The following PFKFB3 variants were observed in gnomAD, a reference collection of about 807,000 sequenced individuals.
The protein encoded by PFKFB3 is 6-phosphofructo-2-kinase/fructose-2,6-biphosphatase 3.
PFKFB3 carries 33 observed loss-of-function variants against 68.0 expected under a neutral mutation model. The ratio of observed to expected loss-of-function variants is 0.49; its 90% CI spans 0.37 to 0.65. PFKFB3 has a LOEUF of 0.65. PFKFB3 is among the 30% of genes least tolerant of loss of function. The pLI, the probability that PFKFB3 is intolerant of heterozygous loss-of-function variation, is 0.00. For synonymous variants in PFKFB3, 315 were observed against 288.2 expected (o/e 1.09, Z -0.94); for missense variants, 586 against 712.2 (o/e 0.82, Z 2.02).
intron 1 of PFKFB3, among the ~76,000 whole-genome samples, chr10:6,183,637 A>G (rs1175434807): frequency 6.7e-6 from 1 of 148,374 alleles, no homozygotes; most frequent in Non-Finnish European, 1.5e-5. Context: ...ATATATGTAT[A>G]TAAATAATAT....
At chr10:6,155,026 G>A (rs1841725312) in intron 1 of PFKFB3, among the ~76,000 whole-genome samples, 1 of 152,082 alleles carries the variant, frequency 6.6e-6, no homozygotes, top group Non-Finnish European at 1.5e-5. Flanking sequence ...TTCCAGAAAA[G>A]TCCACTGTGC....
chr10:6,184,296 G>C (rs1842811395), intron 1 of PFKFB3, among the ~76,000 whole-genome samples: 1 of 151,460 alleles, frequency 6.6e-6, no homozygotes, highest in Non-Finnish European at 1.5e-5. Flanking sequence ...CAGGTGATCT[G>C]CCTGCCTCAG....
chr10:6,218,374 T>C (rs1355426173), intron 6 of PFKFB3, among the ~76,000 whole-genome samples: 3 of 151,630 alleles, frequency 2.0e-5, no homozygotes, highest in Admixed American at 1.3e-4. Context: ...TGGTAAAATA[T>C]ACATAATGTA....
intron 8 of PFKFB3, 141 bp from the exon 9 acceptor site, chr10:6,221,240 G>T (rs1177928751): frequency 4.4e-6 from 4 of 906,878 alleles, no homozygotes; most frequent in Non-Finnish European, 3.3e-6. Context: ...GGTGTGTGCG[G>T]CTGTGGCTGT....
chr10:6,160,544 A>C (rs117764082), intron 1 of PFKFB3, among the ~76,000 whole-genome samples: 1,641 of 152,142 alleles, frequency 0.011, 67 homozygotes, highest in East Asian at 0.099. Flanking sequence ...ACAGTGAAAC[A>C]CTGTATACTA....
At chr10:6,146,529 T>C (rs1406059760) in intron 1 of PFKFB3, 11 of 1,526,294 alleles carry the variant, frequency 7.2e-6, no homozygotes, top group Non-Finnish European at 9.7e-6. Flanking sequence ...CTGTGGGTTC[T>C]CTGGAGGCTC....
At chr10:6,160,014 C>T (rs566046176) in intron 1 of PFKFB3, among the ~76,000 whole-genome samples, 16 of 152,138 alleles carry the variant, frequency 1.1e-4, no homozygotes, top group African/African-American at 3.4e-4. Context: ...CCGCCTGAGC[C>T]TCTCAAAGTG....
rs1225843582 is a variant in PFKFB3, at chr10:6,210,346, G to GT, written c.77-3268dup. 1.7e-3 allele frequency among the ~76,000 whole-genome samples: 56 copies of GT among 32,790 alleles called. 5 individuals are homozygous for GT. Among genetic ancestry groups the GT allele is most frequent in the East Asian group, 5.1e-3 (4 of 782 alleles). 21.5% of individuals were successfully genotyped at this position (32,790 alleles called of 152,430 possible). Reference sequence around the variant, plus strand: ...GGCGCCCCTCTCTTTGTTTTTTTTTGTTTTTTTTTGTTTTTTTGTTTTTTT... The same window carrying GT: ...GGCGCCCCTCTCTTTGTTTTTTTTTGTTTTTTTTTTGTTTTTTTGTTTTTTT... On this transcript the variant is annotated intron_variant, in intron 1 of 14. Coordinates refer to ENST00000379775, the MANE Select transcript of PFKFB3 (RefSeq NM_004566.4).
At chr10:6,245,382 A>G (rs112644168) in intron 14 of PFKFB3, among the ~76,000 whole-genome samples, 4 of 149,184 alleles carry the variant, frequency 2.7e-5, no homozygotes, top group African/African-American at 9.9e-5. Flanking sequence ...GGCATGAGCT[A>G]CTGCACCCGG....
intron 1 of PFKFB3, among the ~76,000 whole-genome samples, chr10:6,177,438 C>CTTTCTCTTTCTT (rs1554842946): frequency 3.5e-5 from 3 of 86,630 alleles, no homozygotes; most frequent in Admixed American, 2.9e-4. Flanking sequence ...TCTTTTCTTT[C>CTTTCTCTTTCTT]TCTTTCTTTC....
At chr10:6,191,340 C>T (rs1192404109) in intron 1 of PFKFB3, among the ~76,000 whole-genome samples, 1 of 152,228 alleles carries the variant, frequency 6.6e-6, no homozygotes, top group African/African-American at 2.4e-5. Flanking sequence ...CCGTTGCGTG[C>T]CAAGGGTCTT....
chr10:6,203,908 C>A (rs1330892493), intron 1 of PFKFB3, among the ~76,000 whole-genome samples: 1 of 150,714 alleles, frequency 6.6e-6, no homozygotes, highest in Non-Finnish European at 1.5e-5. Context: ...TTATCTCTTT[C>A]TCTCTCCTTC....
At position 6,213,717 on chromosome 10, in the gene PFKFB3, C is replaced by A; in HGVS notation, c.171C>A (p.Arg57=). The A allele has an allele frequency of 6.2e-7, 1 of 1,613,506 alleles. No homozygotes were observed. Among genetic ancestry groups the A allele is most frequent in the Non-Finnish European group, 8.5e-7 (1 of 1,179,760 alleles). ...GKTYISKKLT[R]YLNWIGVPTK... is the part of the protein sequence containing the mutation. ...CCTACATCTCCAAGAAGCTGACTCGCTACCTCAACTGGATTGGCGTCCCCA... is the reference window on the plus strand; with the variant it reads ...CCTACATCTCCAAGAAGCTGACTCGATACCTCAACTGGATTGGCGTCCCCA... The change falls in exon 2 of 15, where the codon CGC becomes CGA. Residue 57 remains arginine, a synonymous_variant. Coordinates refer to ENST00000379775, the MANE Select transcript of PFKFB3 (RefSeq NM_004566.4).
chr10:6,319,455 T>C, the PFKFB3 span, among the ~76,000 whole-genome samples: 86 of 152,266 alleles, frequency 5.6e-4, no homozygotes, highest in African/African-American at 2.0e-3. Flanking sequence ...AGCTAACTAA[T>C]GTGCACACAT....
chr10:6,228,865 T>C lies in PFKFB3; in HGVS notation c.1515+2500T>C, dbSNP rs1414541221. On this transcript the variant is annotated intron_variant, in intron 14 of 14. Transcript: ENST00000379775. The surrounding 1 kb of genome is among the most constrained non-coding windows in gnomAD (Gnocchi z 4.5). ...CAGCCTCCATCTCTAACCCATGTGG[T>C]CACTTCTGCTCCTCCCAGAGCTCTC... 6.6e-6 allele frequency among the ~76,000 whole-genome samples: 1 copy of C among 152,112 alleles called. No individual in the cohort carries two copies. Among genetic ancestry groups the C allele is most frequent in the Non-Finnish European group, 1.5e-5 (1 of 68,014 alleles).
chr10:6,247,524 A>G (rs1293260085), intron 14 of PFKFB3, among the ~76,000 whole-genome samples: 1 of 152,216 alleles, frequency 6.6e-6, no homozygotes, highest in Non-Finnish European at 1.5e-5. Flanking sequence ...CAATCGGTTC[A>G]AGAGTTCAGC....
In PFKFB3 at chr10:6,222,689, G is replaced by A. The variant is rs561846830; in HGVS notation, c.1084-166G>A. ...GAGTGGGGAGGGCTTCACTCTTTTTGTGGCTGAGCAATAGTCCACGTTAAA... is the reference window on the plus strand; with the variant it reads ...GAGTGGGGAGGGCTTCACTCTTTTTATGGCTGAGCAATAGTCCACGTTAAA... On this transcript the variant is annotated intron_variant, in intron 10 of 14. Coordinates refer to ENST00000379775, the MANE Select transcript of PFKFB3 (RefSeq NM_004566.4). 19 of 652,696 alleles carry A rather than the reference G, an allele frequency of 2.9e-5. No individual in the cohort carries two copies. In the South Asian group the frequency reaches 3.8e-4, roughly 13 times the overall value. The allele number at this position is 652,696 out of a possible 1,614,324, so 40.4% of individuals were successfully genotyped here. A position where few individuals can be genotyped will look rare whatever the true frequency, so the allele number is the denominator to read the frequency against.
chr10:6,172,717 GAGGCTC>G (rs912883528), intron 1 of PFKFB3, among the ~76,000 whole-genome samples: 4 of 152,030 alleles, frequency 2.6e-5, no homozygotes, highest in African/African-American at 9.7e-5. Context: ...AGCTACTTGG[GAGGCTC>G]AGGCAGGAGG....
chr10:6,220,106 T>G lies in PFKFB3; in HGVS notation c.623+413T>G, dbSNP rs1299443657. Among the ~76,000 whole-genome samples the G allele has an allele frequency of 1.3e-5, 2 of 152,094 alleles. No homozygotes were observed. Among genetic ancestry groups the G allele is most frequent in the Admixed American group, 1.3e-4 (2 of 15,276 alleles). On this transcript the variant is annotated intron_variant, in intron 7 of 14. Coordinates refer to ENST00000379775, the MANE Select transcript of PFKFB3 (RefSeq NM_004566.4). This position sits in a 1 kb window ranked among gnomAD's most constrained non-coding sequence, Gnocchi z 4.1. ...TTATTTATTTACTTACTTACTTGCT[T>G]GCCTGCTTGCTTAGAGACAGGGTCT...
Sources: allele counts gnomAD v4.1 joint callset (sites outside exome capture counted in the v4.1 genomes callset), GRCh38; gene constraint gnomAD v4.1.1; non-coding constraint Gnocchi (gnomAD v3.1); transcripts MANE v1.5; gene names NCBI Gene and HGNC (gene_info 2026-07-23, HGNC 2026-07-21).